Variants in FLNA observed in about 807,000 individuals in gnomAD.
FLNA encodes filamin A.
In FLNA, 7 loss-of-function variants were observed where a neutral mutation model predicts 157.6. The observed-to-expected ratio is 0.04, with a 90% CI of 0.03 to 0.08. The LOEUF (loss-of-function observed/expected upper bound fraction) is 0.08. FLNA is among the 10% of genes least tolerant of loss of function. The pLI, the probability that FLNA is intolerant of heterozygous loss-of-function variation, is 1.00. For synonymous variants in FLNA, 1,103 were observed against 1,060.8 expected (o/e 1.04, Z -0.77); for missense variants, 1,750 against 2,398.4 (o/e 0.73, Z 5.65).
intron 25 of FLNA, 40 bp downstream of exon 25, chrX:154,359,206 G>A: frequency 1.7e-6 from 2 of 1,210,387 alleles, no homozygotes; most frequent in Non-Finnish European, 1.1e-6. Context: ...GTGGGGACGA[G>A]CAGACAGTCC....
Position 154,354,039 on chromosome X carries a change from G to A in FLNA, c.5562C>T (p.Ser1854=). Residue 1854 remains serine, a synonymous_variant, in exon 35 of 48, where the codon AGC becomes AGT. Transcript: ENST00000369850. The stretch of plus-strand genomic sequence containing the variant: ...CGTAATCCACATAGAACTGCAAGGG[G>A]CTTCCTGAGGCAGGAAGAAGGGCCT... ...IRYDNMHIPG[S]PLQFYVDYVN... is the part of the protein sequence containing the mutation. The A allele has an allele frequency of 8.3e-7, 1 of 1,211,922 alleles. No individual in the cohort carries two copies. The highest frequency in any genetic ancestry group is 1.1e-6 in the Non-Finnish European group (1 of 895,427).
rs2067599108 is a variant in FLNA at position 154,349,238 on chromosome X, G to A, written c.7756+124C>T. ...GTTTGAGGGGTCCAGGAGGTGGCAG[G>A]GAGGTGGCTCTAGAAGTGAAAGCCA... On this transcript the variant is annotated intron_variant, in intron 47 of 47. Coordinates refer to ENST00000369850, the MANE Select transcript of FLNA (RefSeq NM_001110556.2). 7 of 805,619 alleles carry A rather than the reference G, an allele frequency of 8.7e-6. No homozygotes were observed. In the South Asian group the frequency reaches 1.1e-4, roughly 12 times the overall value. The allele number at this position is 805,619 out of a possible 1,213,427, so 66.4% of individuals were successfully genotyped here.
chrX:154,362,832 A>G (rs1557178402), intron 15 of FLNA, 48 bp from the exon 16 acceptor site: 22 of 1,155,461 alleles, frequency 1.9e-5, no homozygotes, highest in Non-Finnish European at 2.5e-5. Flanking sequence ...CCTGGAGGAG[A>G]CTCAGAAGCT....
rs200258756 is a variant in FLNA, at chrX:154,360,198, C to T, written c.3597G>A (p.Ser1199=). 7.2e-4 allele frequency: 865 copies of T among 1,209,593 alleles called. 1 individual carries two copies. The highest frequency in any genetic ancestry group is 8.8e-4 in the Non-Finnish European group (787 of 894,344). Reference sequence around the variant, plus strand: ...ACACCTCGGCCGGAAGCCCCGCCTCCGAGCAGATCTCAATGGTCAGCTCCG... The same window carrying T: ...ACACCTCGGCCGGAAGCCCCGCCTCTGAGCAGATCTCAATGGTCAGCTCCG... The part of the protein sequence containing the change: ...GSAELTIEIC[S]EAGLPAEVYI... The change falls in exon 22 of 48, where the codon TCG becomes TCA. Residue 1199 remains serine, a synonymous_variant. Coordinates refer to ENST00000369850, the MANE Select transcript of FLNA (RefSeq NM_001110556.2).
At chrX:154,358,156 C>T (rs200796698) in intron 28 of FLNA, 43 bp downstream of exon 28, 68 of 1,196,867 alleles carry the variant, frequency 5.7e-5, no homozygotes, top group African/African-American at 1.4e-4. Context: ...ACACTCCAGC[C>T]GCCCAGGCCC....
At position 154,364,252 on chromosome X, in the gene FLNA, G is replaced by A; in HGVS notation, c.2136+7C>T. 3 of 1,209,630 alleles carry A rather than the reference G, an allele frequency of 2.5e-6. No homozygotes were observed. The highest frequency in any genetic ancestry group is 3.4e-6 in the Non-Finnish European group (3 of 893,784). On this transcript the variant is annotated splice_region_variant and intron_variant, in intron 14 of 47. Coordinates refer to ENST00000369850, the MANE Select transcript of FLNA (RefSeq NM_001110556.2). ...TGCCCTGCCCCCAACACCCGTGGGT[G>A]CTCTACCTGGACTTGGACCCGAAGT... is the stretch of plus-strand genomic sequence containing the variant.
intron 43 of FLNA, 150 bp downstream of exon 43, chrX:154,351,431 C>T (rs1289819402): frequency 8.7e-6 from 4 of 462,407 alleles, no homozygotes; most frequent in African/African-American, 7.3e-5. Flanking sequence ...CGACCCCAAG[C>T]GTGGGCTGCA....
Position 154,352,650 on chromosome X carries a change from T to G in FLNA, c.6405A>C (p.Thr2135=). 1.7e-6 allele frequency: 2 copies of G among 1,211,841 alleles called. No homozygotes were observed. Among genetic ancestry groups the G allele is most frequent in the Non-Finnish European group, 2.2e-6 (2 of 895,600 alleles). Residue 2135 remains threonine, a synonymous_variant, in exon 40 of 48, where the codon ACA becomes ACC. Coordinates refer to ENST00000369850, the MANE Select transcript of FLNA (RefSeq NM_001110556.2). ...VPGSPFSVKV[T]GEGRVKESIT... ...TGCTCTCTTTCACCCGGCCCTCGCC[T>G]GTCACCTTCACAGAGAAGGGGCTGC... is the stretch of plus-strand genomic sequence containing the variant.
intron 47 of FLNA, 132 bp from the exon 48 acceptor site, chrX:154,349,168 C>T (rs2067598492): frequency 5.1e-6 from 4 of 778,825 alleles, no homozygotes; most frequent in Admixed American, 2.7e-5. Context: ...CAGCACCTCC[C>T]CAACCCAGGC....
chrX:154,366,558 T>G lies in FLNA; in HGVS notation c.1065+4A>C. ...ACAAGCCTCCCCCCTGGCCAAGGGC[T>G]CACCTTATGAGTCCCCGTCACCTCG... is the stretch of plus-strand genomic sequence containing the variant. On this transcript the variant is annotated splice_donor_region_variant and intron_variant, in intron 7 of 47. Transcript: ENST00000369850. The G allele has an allele frequency of 8.3e-7, 1 of 1,210,546 alleles. No individual in the cohort carries two copies. The highest frequency in any genetic ancestry group is 1.1e-6 in the Non-Finnish European group (1 of 894,132).
intron 21 of FLNA, 136 bp from the exon 22 acceptor site, chrX:154,360,723 C>T: frequency 3.5e-6 from 2 of 564,832 alleles, no homozygotes; most frequent in South Asian, 5.6e-5. Flanking sequence ...CCCAGGCTGC[C>T]TGCCAGATGG....
In FLNA at chrX:154,353,619, T is replaced by C; in HGVS notation, c.5795A>G (p.Tyr1932Cys). 8 of 1,211,569 alleles carry C rather than the reference T, an allele frequency of 6.6e-6. No homozygotes were observed. The highest frequency in any genetic ancestry group is 1.8e-5 in the South Asian group (1 of 57,035). The change falls in exon 36 of 48, where the codon TAC becomes TGC. Residue 1932 changes from tyrosine (Y) to cysteine (C), a missense_variant. By Grantham distance (194) the Tyr-to-Cys change is radical. Coordinates refer to ENST00000369850, the MANE Select transcript of FLNA (RefSeq NM_001110556.2). Reference protein sequence around the residue: ...VSYLPVLPGDYSILVKYNEQH... With the variant: ...VSYLPVLPGDCSILVKYNEQH... ...TTCATTGTACTTGACTAGAATGCTG[T>C]AGTCCCCCGGCAGCACAGGCAGGTA...
rs376190976 is a variant in FLNA, at chrX:154,366,232, G to A, written c.1229-8C>T. ...CCTCGCCCGTGCCAGCTCCTGCCAC[G>A]AGGCACCTGCTCAGCTCCCAGGCCC... On this transcript the variant is annotated splice_polypyrimidine_tract_variant and splice_region_variant and intron_variant, in intron 8 of 47. Coordinates refer to ENST00000369850, the MANE Select transcript of FLNA (RefSeq NM_001110556.2). 9.5e-5 allele frequency: 115 copies of A among 1,209,250 alleles called. No homozygotes were observed. Among genetic ancestry groups the A allele is most frequent in the African/African-American group, 3.7e-4 (21 of 57,268 alleles).
rs369330291 is a variant in FLNA, at chrX:154,354,505, T to C, written c.5314-22A>G. ...GGGCCTGCAGTGGAGACACAGGGCATGGGTGAGGGACAGTGGGAGGATCTG... is the reference window on the plus strand; with the variant it reads ...GGGCCTGCAGTGGAGACACAGGGCACGGGTGAGGGACAGTGGGAGGATCTG... On this transcript the variant is annotated intron_variant, in intron 32 of 47. Coordinates refer to ENST00000369850, the MANE Select transcript of FLNA (RefSeq NM_001110556.2). 5.0e-6 allele frequency: 6 copies of C among 1,193,860 alleles called. No homozygotes were observed. The African/African-American group carries it at 1.0e-4, about 21-fold the overall frequency.
Position 154,359,108 on chromosome X carries a change from C to G in FLNA, c.4350G>C (p.Lys1450Asn). Residue 1450 changes from lysine (K) to asparagine (N), a missense_variant, in exon 26 of 48, where the codon AAG (lysine) becomes AAC (asparagine). Lys to Asn is a moderately conservative substitution (Grantham distance 94, BLOSUM62 0). Transcript: ENST00000369850. ...VPVHDVTDAS[K>N]VKCSGPGLSP... Reference sequence around the variant, plus strand: ...TCAGGCCGGGCCCAGAGCACTTGACCTTGGACGCATCTGTCACATCATGCA... The same window carrying G: ...TCAGGCCGGGCCCAGAGCACTTGACGTTGGACGCATCTGTCACATCATGCA... 1 of 1,211,440 alleles carries G rather than the reference C, an allele frequency of 8.3e-7. No homozygotes were observed.
In FLNA at chrX:154,361,727, C is replaced by T. The variant is rs2148113732; in HGVS notation, c.2887G>A (p.Val963Met). Residue 963 changes from valine to methionine, a missense_variant, in exon 20 of 48, where the codon GTG becomes ATG. This residue lies in a region of FLNA where 648 missense variants were observed against 805.8 expected (regional missense o/e 0.80). Coordinates refer to ENST00000369850, the MANE Select transcript of FLNA (RefSeq NM_001110556.2). ...GDPIPKSPFSVAVSPSLDLSK... is the reference protein window; with the variant it reads ...GDPIPKSPFSMAVSPSLDLSK... ...AGGTCCAGGCTTGGAGATACTGCCACTGAGAAAGGGCTCTTAGGGATGGGA... is the reference window on the plus strand; with the variant it reads ...AGGTCCAGGCTTGGAGATACTGCCATTGAGAAAGGGCTCTTAGGGATGGGA... 8.3e-7 allele frequency: 1 copy of T among 1,210,998 alleles called. No homozygotes were observed. The highest frequency in any genetic ancestry group is 1.1e-6 in the Non-Finnish European group (1 of 895,066).
At chrX:154,360,684 T>C in intron 21 of FLNA, 97 bp from the exon 22 acceptor site, 1 of 794,963 alleles carries the variant, frequency 1.3e-6, no homozygotes, top group Non-Finnish European at 1.8e-6. Flanking sequence ...CCTGGCTTCC[T>C]GCCCTCACCA....
intron 44 of FLNA, 95 bp downstream of exon 44, chrX:154,350,814 G>T: frequency 9.3e-7 from 1 of 1,075,284 alleles, no homozygotes; most frequent in Admixed American, 2.2e-5. Flanking sequence ...TTGGGGCCCC[G>T]TCTTGGCTGC....
chrX:154,355,117 C>T (rs1445628648), intron 30 of FLNA, 45 bp from the exon 31 acceptor site: 3 of 1,179,153 alleles, frequency 2.5e-6, no homozygotes, highest in Admixed American at 4.5e-5. Context: ...AGCGTGTGAG[C>T]TCGGGTTCAG....
Sources: gnomAD v4.1 joint callset for allele counts on GRCh38, gnomAD v4.1.1 for gene constraint, gnomAD v4.1.1 regional missense constraint, MANE v1.5 for transcripts, NCBI Gene and HGNC (gene_info 2026-07-23, HGNC 2026-07-21) for gene names.